Variants in CTIF observed in about 807,000 individuals in gnomAD.
CTIF encodes cap binding complex dependent translation initiation factor.
A neutral mutation model predicts 66.0 loss-of-function variants in CTIF; 21 were observed. The ratio of observed to expected loss-of-function variants is 0.32; its 90% CI spans 0.23 to 0.46. The LOEUF is 0.46. CTIF is among the 20% of genes least tolerant of loss of function. The probability of loss-of-function intolerance (pLI) is 1.00; values close to 1 mark genes in which losing one functional copy is unlikely to be tolerated. For missense variants in CTIF, 739 were observed against 812.7 expected, an observed-to-expected ratio of 0.91 and a Z score of 1.10; for synonymous variants, 345 against 326.4, an observed-to-expected ratio of 1.06 and a Z score of -0.62.
At chr18:48,729,016 G>A (rs1029118704) in intron 7 of CTIF, among the ~76,000 whole-genome samples, 3 of 152,054 alleles carry the variant, frequency 2.0e-5, no homozygotes, top group African/African-American at 7.2e-5. Context: ...ATGGGTTGAG[G>A]GTTTTTGTGT....
chr18:48,624,893 G>A (rs749104627), intron 2 of CTIF, among the ~76,000 whole-genome samples: 20 of 152,236 alleles, frequency 1.3e-4, no homozygotes, highest in African/African-American at 1.9e-4. Flanking sequence ...GCCAGTGAGA[G>A]TGAAGATCAC....
At chr18:48,625,245 A>G (rs2090573061) in intron 2 of CTIF, 7 of 984,098 alleles carry the variant, frequency 7.1e-6, no homozygotes, top group Non-Finnish European at 8.4e-6. Flanking sequence ...AAGTGAGTTT[A>G]TAGGAGGACT....
At chr18:48,574,714 A>G (rs1330514738) in intron 1 of CTIF, among the ~76,000 whole-genome samples, 1 of 152,222 alleles carries the variant, frequency 6.6e-6, no homozygotes, top group Non-Finnish European at 1.5e-5. Flanking sequence ...GTTTCTGAGC[A>G]TCCAGCCACA....
At chr18:48,770,545 A>C (rs191857709) in intron 9 of CTIF, among the ~76,000 whole-genome samples, 117 of 152,362 alleles carry the variant, frequency 7.7e-4, no homozygotes, top group African/African-American at 2.1e-3. Context: ...CTGTGTTGTT[A>C]GGAGCGTGGG....
chr18:48,592,642 A>G (rs1235276390), intron 1 of CTIF, among the ~76,000 whole-genome samples: 1 of 152,222 alleles, frequency 6.6e-6, no homozygotes, highest in African/African-American at 2.4e-5. Flanking sequence ...GTGGATTAAT[A>G]ACCAGCGCGA....
chr18:48,656,571 C>T (rs2091250219), intron 3 of CTIF, among the ~76,000 whole-genome samples: 2 of 152,182 alleles, frequency 1.3e-5, no homozygotes, highest in African/African-American at 2.4e-5. Context: ...CTTCAGTTTC[C>T]CTTCCCACAA....
intron 8 of CTIF, among the ~76,000 whole-genome samples, chr18:48,759,474 C>T (rs1009766873): frequency 2.0e-5 from 3 of 152,154 alleles, no homozygotes; most frequent in Admixed American, 2.0e-4. Flanking sequence ...CTCCCAGTAT[C>T]CTCTCCACCG....
intron 9 of CTIF, among the ~76,000 whole-genome samples, chr18:48,801,018 CT>C (rs963387878): frequency 6.6e-6 from 1 of 152,236 alleles, no homozygotes; most frequent in Non-Finnish European, 1.5e-5. Flanking sequence ...CCCAAGCCTC[CT>C]TGGGAACAAC....
intron 10 of CTIF, among the ~76,000 whole-genome samples, chr18:48,848,056 T>C (rs1481022569): frequency 2.0e-5 from 3 of 152,168 alleles, no homozygotes; most frequent in Non-Finnish European, 4.4e-5. Context: ...GACGTGTAGG[T>C]GGCAACCATC....
At chr18:48,632,275 T>G (rs1295276720) in intron 2 of CTIF, among the ~76,000 whole-genome samples, 1 of 152,164 alleles carries the variant, frequency 6.6e-6, no homozygotes, top group Non-Finnish European at 1.5e-5. Context: ...GGGTAGAGCT[T>G]GCTGTGCTAA....
At chr18:48,853,177 C>A (rs894137631) in intron 10 of CTIF, among the ~76,000 whole-genome samples, 4 of 152,170 alleles carry the variant, frequency 2.6e-5, no homozygotes. Context: ...GGACCGACAT[C>A]GCCCTACCCT....
At chr18:48,785,584 G>C (rs1276104970) in intron 9 of CTIF, among the ~76,000 whole-genome samples, 4 of 151,882 alleles carry the variant, frequency 2.6e-5, no homozygotes, top group East Asian at 1.9e-4. Context: ...AAAGCAAAAG[G>C]CTTTCAAAAG....
At chr18:48,666,208 G>A (rs12955322) in intron 5 of CTIF, among the ~76,000 whole-genome samples, 11,246 of 151,748 alleles carry the variant, frequency 0.074, 454 homozygotes, top group South Asian at 0.095. Flanking sequence ...GCTCACTCTT[G>A]TCTCCCTTTC....
chr18:48,601,464 C>T (rs1262122047), intron 1 of CTIF, among the ~76,000 whole-genome samples: 2 of 152,228 alleles, frequency 1.3e-5, no homozygotes, highest in Admixed American at 6.5e-5. Context: ...GCTGTCCCCC[C>T]GAGGGTCCTT....
intron 3 of CTIF, among the ~76,000 whole-genome samples, chr18:48,654,704 G>T (rs1438387689): frequency 1.3e-5 from 2 of 152,236 alleles, no homozygotes; most frequent in Admixed American, 1.3e-4. Context: ...ATTCACAATA[G>T]CAAAGACTTG....
At chr18:48,759,066 C>T (rs1167600432) in intron 8 of CTIF, among the ~76,000 whole-genome samples, 1 of 152,184 alleles carries the variant, frequency 6.6e-6, no homozygotes, top group African/African-American at 2.4e-5. Flanking sequence ...TCTTTCTGCA[C>T]CCTGGTCCTG....
chr18:48,749,380 T>C (rs1174566482), intron 7 of CTIF, among the ~76,000 whole-genome samples: 1 of 152,154 alleles, frequency 6.6e-6, no homozygotes, highest in African/African-American at 2.4e-5. Flanking sequence ...GTAGTGAATG[T>C]TGGGTGATGA....
intron 3 of CTIF, among the ~76,000 whole-genome samples, chr18:48,661,011 C>T (rs777178846): frequency 2.6e-5 from 4 of 152,190 alleles, no homozygotes; most frequent in Non-Finnish European, 4.4e-5. Flanking sequence ...GTCTTTCAGC[C>T]ACAGAGGCAG....
chr18:48,817,007 C>G (rs1008133245), intron 9 of CTIF, among the ~76,000 whole-genome samples: 1 of 152,182 alleles, frequency 6.6e-6, no homozygotes, highest in African/African-American at 2.4e-5. Flanking sequence ...GTGTCCCCAA[C>G]CTGGGGACAC....
Sources: allele counts gnomAD v4.1 joint callset (sites outside exome capture counted in the v4.1 genomes callset), GRCh38; gene constraint gnomAD v4.1.1; transcripts MANE v1.5; gene names NCBI Gene and HGNC (gene_info 2026-07-23, HGNC 2026-07-21).